Variants in RBM20 observed in about 807,000 individuals in gnomAD.
RBM20 encodes RNA binding motif protein 20.
RBM20 carries 51 observed loss-of-function variants against 110.1 expected under a neutral mutation model. The ratio of observed to expected loss-of-function variants is 0.46; its 90% confidence interval spans 0.37 to 0.59. The LOEUF is 0.59. Ranked by LOEUF, RBM20 falls within the 20% of genes least tolerant of loss-of-function variation. RBM20 has a pLI of 0.00. For synonymous variants in RBM20, 589 were observed against 618.2 expected, an observed-to-expected ratio of 0.95 and a Z score of 0.70; for missense variants, 1,512 against 1,574.9, an observed-to-expected ratio of 0.96 and a Z score of 0.68.
chr10:110,740,903 A>T (rs768811245), intron 1 of RBM20, among the ~76,000 whole-genome samples: 2 of 152,014 alleles, frequency 1.3e-5, no homozygotes, highest in Non-Finnish European at 2.9e-5. Context: ...ATCCTTGGAG[A>T]TGTGTGGTGT....
intron 1 of RBM20, among the ~76,000 whole-genome samples, chr10:110,682,004 C>T (rs751331445): frequency 2.0e-5 from 3 of 152,138 alleles, no homozygotes; most frequent in Non-Finnish European, 4.4e-5. Flanking sequence ...ATTCTCCTGC[C>T]TCAGCCTCCT....
At chr10:110,777,210 G>A (rs983051733) in intron 1 of RBM20, among the ~76,000 whole-genome samples, 14 of 152,284 alleles carry the variant, frequency 9.2e-5, no homozygotes, top group Non-Finnish European at 1.3e-4. Context: ...AGGCACGCAC[G>A]CAATTATTTT....
chr10:110,753,829 T>C (rs989019423), intron 1 of RBM20, among the ~76,000 whole-genome samples: 2 of 152,198 alleles, frequency 1.3e-5, no homozygotes, highest in African/African-American at 4.8e-5. Context: ...ATTCCTTGCA[T>C]TGCTTGATTC....
chr10:110,778,724 A>G (rs1397357457), intron 1 of RBM20, among the ~76,000 whole-genome samples: 2 of 152,248 alleles, frequency 1.3e-5, no homozygotes, highest in African/African-American at 4.8e-5. Context: ...CCCACTTTTC[A>G]GAGGGGAATT....
rs1307830950 is a variant in RBM20 at position 110,799,793 on chromosome 10, T to C, written c.1675T>C (p.Leu559=). 1 of 1,551,064 alleles carries C rather than the reference T, an allele frequency of 6.4e-7. No homozygotes were observed. ...ILMKSTNQAF[L]EMAYTEAAQA... is the part of the protein sequence containing the mutation. ...TCCTTCCTTTCTTTCTTAGGCCTTTTTAGAGATGGCTTACACAGAAGCTGC... is the reference window on the plus strand; with the variant it reads ...TCCTTCCTTTCTTTCTTAGGCCTTTCTAGAGATGGCTTACACAGAAGCTGC... The change falls in exon 7 of 14, where the codon TTA becomes CTA. Residue 559 remains leucine, a synonymous_variant. Coordinates refer to ENST00000369519, the MANE Select transcript of RBM20 (RefSeq NM_001134363.3).
intron 1 of RBM20, among the ~76,000 whole-genome samples, chr10:110,758,162 G>C (rs899476389): frequency 1.3e-5 from 2 of 151,638 alleles, no homozygotes; most frequent in African/African-American, 2.4e-5. Flanking sequence ...GGGACTAGAG[G>C]TGTGCACCAC....
intron 1 of RBM20, among the ~76,000 whole-genome samples, chr10:110,737,070 G>A (rs542733920): frequency 3.3e-4 from 50 of 150,868 alleles, no homozygotes; most frequent in Non-Finnish European, 5.9e-4. Flanking sequence ...CCAGCTACTC[G>A]GGAGGCTGAG....
At position 110,810,846 on chromosome 10, in the gene RBM20, C is replaced by CGTGT. The variant is rs34289852; in HGVS notation, c.1880+397_1880+400dup. Among the ~76,000 whole-genome samples, 1,139 of 149,148 alleles carry CGTGT rather than the reference C, an allele frequency of 7.6e-3. 13 individuals carry two copies. The highest frequency in any genetic ancestry group is 0.027 in the African/African-American group (1,072 of 40,436). ...GTGCGTGTGTGTGTGCATGTGTGTG[C>CGTGT]GTGTGTGTGTGTGTGTACGTGTGGC... is the stretch of plus-strand genomic sequence containing the variant. On this transcript the variant is annotated intron_variant, in intron 8 of 13. Coordinates refer to ENST00000369519, the MANE Select transcript of RBM20 (RefSeq NM_001134363.3).
rs558425728 is a variant in RBM20, at chr10:110,763,812, A to C, written c.192-16989A>C. On this transcript the variant is annotated intron_variant, in intron 1 of 13. Transcript: ENST00000369519. Reference sequence around the variant, plus strand: ...TTCTGCAAGACTGGTTGAAGGCGTTAGCCTGAGAGCACAGTTTCTCAACTG... The same window carrying C: ...TTCTGCAAGACTGGTTGAAGGCGTTCGCCTGAGAGCACAGTTTCTCAACTG... Among the ~76,000 whole-genome samples, 4 of 121,066 alleles carry C rather than the reference A, an allele frequency of 3.3e-5. No individual in the cohort carries two copies. In the South Asian group the frequency reaches 1.1e-3, roughly 32 times the overall value. 79.4% of individuals were successfully genotyped at this position (121,066 alleles called of 152,430 possible).
chr10:110,693,844 C>T (rs952077749), intron 1 of RBM20, among the ~76,000 whole-genome samples: 19 of 152,198 alleles, frequency 1.2e-4, no homozygotes, highest in Non-Finnish European at 1.9e-4. Flanking sequence ...TACAGGGCCT[C>T]TGTGGAGTTT....
At chr10:110,801,970 C>T (rs1254955663) in intron 7 of RBM20, among the ~76,000 whole-genome samples, 1 of 152,130 alleles carries the variant, frequency 6.6e-6, no homozygotes, top group Non-Finnish European at 1.5e-5. Flanking sequence ...GTCATCTGCC[C>T]ATGCTTTTCT....
At chr10:110,780,779 C>G (rs1237837292) in intron 1 of RBM20, 22 bp from the exon 2 acceptor site, 1 of 1,494,520 alleles carries the variant, frequency 6.7e-7, no homozygotes, top group Non-Finnish European at 9.0e-7. Flanking sequence ...AGCTGTGCAT[C>G]TAGACCTCTG....
Position 110,812,734 on chromosome 10 carries a change from C to T in RBM20, c.2337C>T (p.Pro779=), listed in dbSNP as rs1179283749. The stretch of plus-strand genomic sequence containing the variant: ...ATCTGAAGCAGCAGCAGGATGCCCC[C>T]GGGAGGTCCAGGAGGAAAGACGAGG... ...DKYLKQQQDA[P]GRSRRKDEAR... Residue 779 remains proline (P), a synonymous_variant, in exon 9 of 14, where the codon CCC becomes CCT. Transcript: ENST00000369519. The T allele has an allele frequency of 1.4e-5, 22 of 1,551,610 alleles. No individual in the cohort carries two copies. The highest frequency in any genetic ancestry group is 5.9e-5 in the Admixed American group (3 of 50,990).
chr10:110,733,094 C>T (rs1055666905), intron 1 of RBM20, among the ~76,000 whole-genome samples: 5 of 152,184 alleles, frequency 3.3e-5, no homozygotes, highest in African/African-American at 7.2e-5. Context: ...CCGTCACCAC[C>T]GTATTGCAGA....
At chr10:110,689,961 T>G (rs2134874790) in intron 1 of RBM20, among the ~76,000 whole-genome samples, 1 of 152,188 alleles carries the variant, frequency 6.6e-6, no homozygotes. Flanking sequence ...TTCCAGAAAA[T>G]GGGAATGAAA....
intron 1 of RBM20, among the ~76,000 whole-genome samples, chr10:110,737,193 A>AAAAAAAAAAAAAAAAAAAAAC (rs796374212): frequency 6.0e-5 from 7 of 116,510 alleles, no homozygotes; most frequent in Admixed American, 1.7e-4. Flanking sequence ...AAAAAAAAAA[A>AAAAAAAAAAAAAAAAAAAAAC]AAAACACCCC....
At chr10:110,666,126 G>A (rs984898200) in intron 1 of RBM20, among the ~76,000 whole-genome samples, 2 of 152,110 alleles carry the variant, frequency 1.3e-5, no homozygotes, top group Non-Finnish European at 2.9e-5. Flanking sequence ...ATAATGAAGG[G>A]GGGTGCAAAA....
chr10:110,746,645 G>C (rs1254017866), intron 1 of RBM20, among the ~76,000 whole-genome samples: 1 of 152,230 alleles, frequency 6.6e-6, no homozygotes, highest in East Asian at 1.9e-4. Flanking sequence ...ATTTTGCACA[G>C]CTGGATTGGG....
intron 5 of RBM20, among the ~76,000 whole-genome samples, 192 bp downstream of exon 5, chr10:110,785,081 A>G (rs1564845570): frequency 6.6e-6 from 1 of 152,142 alleles, no homozygotes; most frequent in Non-Finnish European, 1.5e-5. Context: ...CAGGTGGCCA[A>G]AGTGCTAGGA....
Sources: gnomAD v4.1 joint callset for allele counts (sites outside exome capture counted in the v4.1 genomes callset) on GRCh38, gnomAD v4.1.1 for gene constraint, MANE v1.5 for transcripts, NCBI Gene and HGNC (gene_info 2026-07-23, HGNC 2026-07-21) for gene names.